MYO5A: variants seen among roughly 807,000 people sequenced by gnomAD.
MYO5A encodes the protein myosin VA.
MYO5A carries 98 observed loss-of-function variants against 249.7 expected under a neutral mutation model. That is an observed-to-expected ratio of 0.39 (90% CI 0.33 to 0.46). MYO5A has a LOEUF of 0.46. Ranked by LOEUF, MYO5A falls within the 20% of genes least tolerant of loss-of-function variation. The pLI is 0.98. For missense variants in MYO5A, 1,696 were observed against 2,308.8 expected (o/e 0.73, Z 5.44); for synonymous variants, 778 against 810.6 (o/e 0.96, Z 0.68).
Position 52,371,000 on chromosome 15 carries a change from C to T in MYO5A, c.2818-583G>A, listed in dbSNP as rs537774885. Among the ~76,000 whole-genome samples the T allele has an allele frequency of 5.9e-5, 9 of 152,170 alleles. No homozygotes were observed. The South Asian group carries it at 1.7e-3, about 28-fold the overall frequency. ...TGGTGGTGTGTACCTGTAGTCCTAG[C>T]TACTTGGGAGGCTGAGGCAGGAGGA... On this transcript the variant is annotated intron_variant, in intron 21 of 41. Coordinates refer to ENST00000399233, the MANE Select transcript of MYO5A (RefSeq NM_001382347.1).
chr15:52,331,274 C>T (rs185572970), intron 34 of MYO5A, among the ~76,000 whole-genome samples: 2 of 152,010 alleles, frequency 1.3e-5, no homozygotes, highest in Admixed American at 6.6e-5. Context: ...GTTTACAATG[C>T]TTTCAGATGT....
chr15:52,442,609 TCA>T (rs2075805427), intron 1 of MYO5A, among the ~76,000 whole-genome samples: 1 of 152,116 alleles, frequency 6.6e-6, no homozygotes, highest in Admixed American at 6.5e-5. Flanking sequence ...ATTCAAATAA[TCA>T]CAATAACTAA....
chr15:52,320,658 G>A (rs2038254399), intron 38 of MYO5A, among the ~76,000 whole-genome samples: 1 of 152,198 alleles, frequency 6.6e-6, no homozygotes, highest in Non-Finnish European at 1.5e-5. Context: ...AAATGAAGAA[G>A]TTGTGGAAAC....
chr15:52,376,523 G>T lies in MYO5A; in HGVS notation c.2244C>A (p.Ile748=). 6.2e-7 allele frequency: 1 copy of T among 1,614,162 alleles called. No homozygotes were observed. Among genetic ancestry groups the T allele is most frequent in the Non-Finnish European group, 8.5e-7 (1 of 1,180,024 alleles). ...KDKYQFGKTK[I]FFRAGQVAYL... ...AGGCCACTTGACCGGCACGGAAAAAGATCTTTGTCTTACCAAACTGGTATT... is the reference window on the plus strand; with the variant it reads ...AGGCCACTTGACCGGCACGGAAAAATATCTTTGTCTTACCAAACTGGTATT... The change falls in exon 19 of 42, where the codon ATC becomes ATA. Residue 748 remains isoleucine, a synonymous_variant. Coordinates refer to ENST00000399233, the MANE Select transcript of MYO5A (RefSeq NM_001382347.1).
At chr15:52,471,898 T>C (rs550049237) in intron 1 of MYO5A, among the ~76,000 whole-genome samples, 3 of 152,148 alleles carry the variant, frequency 2.0e-5, no homozygotes, top group Non-Finnish European at 4.4e-5. Flanking sequence ...AGTGTCTCCC[T>C]ATGTTGCCCA....
At chr15:52,354,039 G>A in intron 25 of MYO5A, 25 bp from the exon 26 acceptor site, 3 of 1,613,784 alleles carry the variant, frequency 1.9e-6, no homozygotes, top group Non-Finnish European at 1.7e-6. Context: ...TCACAAAGAT[G>A]GTCAAGACAA....
At chr15:52,499,804 G>A (rs1372153652) in intron 1 of MYO5A, among the ~76,000 whole-genome samples, 1 of 152,196 alleles carries the variant, frequency 6.6e-6, no homozygotes, top group Non-Finnish European at 1.5e-5. Flanking sequence ...AGATGTACAA[G>A]TATCTCTTTG....
Position 52,326,747 on chromosome 15 carries a change from A to G in MYO5A, c.4710+1105T>C, listed in dbSNP as rs148651629. 4.6e-3 allele frequency among the ~76,000 whole-genome samples: 698 copies of G among 152,322 alleles called. 11 individuals are homozygous for G. The highest frequency in any genetic ancestry group is 0.016 in the African/African-American group (667 of 41,560). ...TTTTACCTAATTTTTTTTTAAGTTCATAAAAGAAGTCTTAGATTTGAAAGA... is the reference window on the plus strand; with the variant it reads ...TTTTACCTAATTTTTTTTTAAGTTCGTAAAAGAAGTCTTAGATTTGAAAGA... On this transcript the variant is annotated intron_variant, in intron 36 of 41. Transcript: ENST00000399233.
chr15:52,363,601 T>C (rs779312282), intron 24 of MYO5A, among the ~76,000 whole-genome samples: 8 of 152,192 alleles, frequency 5.3e-5, no homozygotes, highest in Non-Finnish European at 7.4e-5. Flanking sequence ...AGAAGCAAAA[T>C]TTGAAGAAAA....
intron 34 of MYO5A, among the ~76,000 whole-genome samples, chr15:52,333,028 A>G (rs1290310522): frequency 6.6e-6 from 1 of 152,206 alleles, no homozygotes; most frequent in East Asian, 1.9e-4. Flanking sequence ...TCTGCCATGT[A>G]AGAACACAGA....
chr15:52,484,174 C>T (rs553613878), intron 1 of MYO5A, among the ~76,000 whole-genome samples: 17 of 152,054 alleles, frequency 1.1e-4, no homozygotes, highest in Non-Finnish European at 8.8e-5. Context: ...AAGAGCAGAA[C>T]CAAAAGTATT....
At chr15:52,318,148 T>C (rs974949536) in intron 39 of MYO5A, among the ~76,000 whole-genome samples, 2 of 152,166 alleles carry the variant, frequency 1.3e-5, no homozygotes, top group African/African-American at 4.8e-5. Flanking sequence ...GTGAATATTC[T>C]AGCTGTTTTA....
chr15:52,401,631 ATTTCT>A (rs1235384863), intron 9 of MYO5A, among the ~76,000 whole-genome samples: 2 of 151,970 alleles, frequency 1.3e-5, no homozygotes, highest in African/African-American at 4.8e-5. Context: ...TTAGGAATAG[ATTTCT>A]TTTTATTTAT....
chr15:52,515,286 A>AAAAGG (rs1555388944), intron 1 of MYO5A, among the ~76,000 whole-genome samples: 3 of 147,840 alleles, frequency 2.0e-5, no homozygotes, highest in Non-Finnish European at 4.5e-5. Flanking sequence ...CAAGAAAAAA[A>AAAAGG]AAAGAAAGAA....
At chr15:52,341,434 G>T (rs1416305220) in intron 31 of MYO5A, among the ~76,000 whole-genome samples, 1 of 152,152 alleles carries the variant, frequency 6.6e-6, no homozygotes, top group African/African-American at 2.4e-5. Flanking sequence ...AGCCAGCTGT[G>T]CCCACAGAGC....
chr15:52,486,909 C>A (rs1158247980), intron 1 of MYO5A, among the ~76,000 whole-genome samples: 2 of 152,164 alleles, frequency 1.3e-5, no homozygotes, highest in African/African-American at 4.8e-5. Flanking sequence ...GAAGGAAACA[C>A]TCAGAGCTAG....
rs764383718 is a variant in MYO5A, at chr15:52,343,177, T to C, written c.3980A>G (p.His1327Arg). ...CAGCTCTCCATCCTCATTCAACTCATGGTAATCCAGAGCAGATGATCTTCC... is the reference window on the plus strand; with the variant it reads ...CAGCTCTCCATCCTCATTCAACTCACGGTAATCCAGAGCAGATGATCTTCC... ...ETNRSSALDY[H>R]ELNEDGELWL... Residue 1327 changes from histidine to arginine, a missense_variant, in exon 31 of 42, where the codon CAT (histidine) becomes CGT (arginine). By Grantham distance (29) the His-to-Arg change is conservative. Transcript: ENST00000399233. 1 of 1,613,888 alleles carries C rather than the reference T, an allele frequency of 6.2e-7. No individual in the cohort carries two copies. The highest frequency in any genetic ancestry group is 8.5e-7 in the Non-Finnish European group (1 of 1,179,772).
chr15:52,385,663 C>A (rs2041944733), intron 14 of MYO5A, among the ~76,000 whole-genome samples: 1 of 152,206 alleles, frequency 6.6e-6, no homozygotes, highest in South Asian at 2.1e-4. Context: ...ATACTCCACA[C>A]TGTATTACTA....
At chr15:52,511,827 CTGTT>C (rs1001017732) in intron 1 of MYO5A, among the ~76,000 whole-genome samples, 2 of 152,112 alleles carry the variant, frequency 1.3e-5, no homozygotes, top group African/African-American at 4.8e-5. Context: ...TTTGATATTT[CTGTT>C]TGTTTTTTGG....
Sources: allele counts gnomAD v4.1 joint callset (sites outside exome capture counted in the v4.1 genomes callset), GRCh38; gene constraint gnomAD v4.1.1; transcripts MANE v1.5; gene names NCBI Gene and HGNC (gene_info 2026-07-23, HGNC 2026-07-21).